Variants in KCNH1 observed in about 807,000 individuals in gnomAD.
KCNH1 encodes voltage-gated delayed rectifier potassium channel KCNH1.
In KCNH1, 27 loss-of-function variants were observed where a neutral mutation model predicts 69.2. The ratio of observed to expected loss-of-function variants is 0.39; its 90% CI spans 0.29 to 0.54. The LOEUF (loss-of-function observed/expected upper bound fraction) is 0.54. KCNH1 is among the 20% of genes least tolerant of loss of function. The probability of loss-of-function intolerance (pLI) is 0.68; values close to 1 mark genes in which losing one functional copy is unlikely to be tolerated. For synonymous variants in KCNH1, 456 were observed against 487.7 expected (o/e 0.93, Z 0.86); for missense variants, 798 against 1,261.6 (o/e 0.63, Z 5.57).
intron 1 of KCNH1, among the ~76,000 whole-genome samples, chr1:211,109,437 T>C (rs957525961): frequency 1.3e-5 from 2 of 152,216 alleles, no homozygotes; most frequent in African/African-American, 4.8e-5. Context: ...CTGAATAGCT[T>C]AGACTTAAAA....
intron 6 of KCNH1, among the ~76,000 whole-genome samples, chr1:210,941,460 T>A (rs920525664): frequency 1.3e-5 from 2 of 152,192 alleles, no homozygotes; most frequent in Non-Finnish European, 2.9e-5. Context: ...AAAGGTTCCC[T>A]GGAGTTTGGG....
intron 10 of KCNH1, among the ~76,000 whole-genome samples, chr1:210,726,043 T>C (rs367544565): frequency 2.0e-3 from 304 of 152,258 alleles, no homozygotes; most frequent in African/African-American, 6.8e-3. Flanking sequence ...GTTTGGCAGA[T>C]AGAAAGTGTA....
chr1:210,719,103 TTTAAAA>T (rs535915834), intron 10 of KCNH1, among the ~76,000 whole-genome samples: 22 of 152,336 alleles, frequency 1.4e-4, no homozygotes, highest in Non-Finnish European at 2.2e-4. Context: ...TTAAAATTAA[TTTAAAA>T]TTAAATAAAA....
At chr1:210,958,421 G>T (rs1014175707) in intron 6 of KCNH1, among the ~76,000 whole-genome samples, 1 of 151,966 alleles carries the variant, frequency 6.6e-6, no homozygotes. Context: ...ATCTTTGTGG[G>T]GTTCTCTGTA....
At chr1:210,713,928 C>T (rs1430316259) in intron 10 of KCNH1, among the ~76,000 whole-genome samples, 16 of 152,168 alleles carry the variant, frequency 1.1e-4, no homozygotes, top group Non-Finnish European at 2.2e-4. Context: ...AGACCTGTGT[C>T]CTGGGAGCCT....
intron 7 of KCNH1, among the ~76,000 whole-genome samples, chr1:210,848,790 G>A (rs777645405): frequency 3.9e-5 from 6 of 151,954 alleles, no homozygotes; most frequent in Non-Finnish European, 7.4e-5. Context: ...TACCAACTGG[G>A]CCCCCATTTC....
chr1:211,133,792 C>A lies in KCNH1; in HGVS notation c.79+75G>T. 7.2e-7 allele frequency: 1 copy of A among 1,390,784 alleles called. No homozygotes were observed. The highest frequency in any genetic ancestry group is 1.0e-6 in the Non-Finnish European group (1 of 987,178). The allele number at this position is 1,390,784 out of a possible 1,614,324, so 86.2% of individuals were successfully genotyped here. ...GCGGGTTCTGCTGCATCTGCTGGCT[C>A]CGAGCGGCGAGAGGTTCTGCAATAA... On this transcript the variant is annotated intron_variant, in intron 1 of 10. Transcript: ENST00000271751. The surrounding 1 kb of genome is among the most constrained non-coding windows in gnomAD (Gnocchi z 5.4).
At chr1:211,116,650 TC>T (rs1691589100) in intron 1 of KCNH1, among the ~76,000 whole-genome samples, 1 of 152,162 alleles carries the variant, frequency 6.6e-6, no homozygotes, top group African/African-American at 2.4e-5. Context: ...GCAAGAGGAA[TC>T]ACTCTGTTTG....
intron 10 of KCNH1, among the ~76,000 whole-genome samples, chr1:210,706,820 T>A (rs1681924483): frequency 6.6e-6 from 1 of 152,232 alleles, no homozygotes; most frequent in African/African-American, 2.4e-5. Context: ...ATGAGAAAAC[T>A]AAGGCTCAAG....
intron 6 of KCNH1, among the ~76,000 whole-genome samples, chr1:210,999,963 A>G (rs1249269279): frequency 6.6e-6 from 1 of 152,242 alleles, no homozygotes; most frequent in Admixed American, 6.5e-5. Flanking sequence ...AAAATTCAAC[A>G]ACCCTTCATG....
chr1:210,983,995 G>C (rs964065028), intron 6 of KCNH1, among the ~76,000 whole-genome samples: 1 of 152,114 alleles, frequency 6.6e-6, no homozygotes, highest in African/African-American at 2.4e-5. Flanking sequence ...CACATCCCTT[G>C]TTAGTTGGAT....
intron 6 of KCNH1, among the ~76,000 whole-genome samples, chr1:211,002,604 AT>A (rs1689209500): frequency 6.6e-6 from 1 of 152,064 alleles, no homozygotes; most frequent in African/African-American, 2.4e-5. Flanking sequence ...AAAATCAAGA[AT>A]TTCTGCTGAA....
intron 7 of KCNH1, among the ~76,000 whole-genome samples, chr1:210,917,275 G>GAAAAGA (rs142037190): frequency 2.8e-5 from 4 of 142,890 alleles, no homozygotes; most frequent in African/African-American, 8.0e-5. Flanking sequence ...AAGAAAGAAA[G>GAAAAGA]AAAGAAAAGA....
rs577097236 is a variant in KCNH1, at chr1:210,955,255, G to A, written c.1033-35186C>T. On this transcript the variant is annotated intron_variant, in intron 6 of 10. Coordinates refer to ENST00000271751, the MANE Select transcript of KCNH1 (RefSeq NM_172362.3). ...CTGAGGCCTCTGTTCTGTTCTATTA[G>A]TCTGTATATCTGCTTTGGTACCAGA... Among the ~76,000 whole-genome samples the A allele has an allele frequency of 7.9e-5, 12 of 152,246 alleles. No individual in the cohort carries two copies. The East Asian group carries it at 2.3e-3, about 29-fold the overall frequency.
At chr1:211,005,175 T>G (rs895753764) in intron 6 of KCNH1, among the ~76,000 whole-genome samples, 1 of 152,018 alleles carries the variant, frequency 6.6e-6, no homozygotes, top group African/African-American at 2.4e-5. Context: ...CTCTGAAACT[T>G]TAAGTACAAT....
intron 7 of KCNH1, among the ~76,000 whole-genome samples, chr1:210,864,662 G>A (rs1211215949): frequency 6.6e-6 from 1 of 152,186 alleles, no homozygotes; most frequent in East Asian, 1.9e-4. Context: ...TTCTGGTTTT[G>A]CTTGTCCCAA....
chr1:210,784,813 G>A (rs544782282), intron 9 of KCNH1, among the ~76,000 whole-genome samples: 4 of 152,152 alleles, frequency 2.6e-5, no homozygotes, highest in South Asian at 4.1e-4. Flanking sequence ...CACAAATCTG[G>A]TCAATGAAAC....
chr1:210,932,375 G>A (rs1687694593), intron 6 of KCNH1, among the ~76,000 whole-genome samples: 1 of 151,802 alleles, frequency 6.6e-6, no homozygotes. Flanking sequence ...ATACAAATGA[G>A]AATGAAAAAG....
intron 6 of KCNH1, among the ~76,000 whole-genome samples, chr1:211,002,554 T>A (rs754285764): frequency 3.3e-5 from 5 of 151,912 alleles, no homozygotes; most frequent in Non-Finnish European, 5.9e-5. Context: ...AATGTAGACA[T>A]TAAATAATTA....
Sources: gnomAD v4.1 joint callset for allele counts (sites outside exome capture counted in the v4.1 genomes callset) on GRCh38, gnomAD v4.1.1 for gene constraint, Gnocchi (gnomAD v3.1) non-coding constraint, MANE v1.5 for transcripts, NCBI Gene and HGNC (gene_info 2026-07-23, HGNC 2026-07-21) for gene names.